The following GRIK5 variants were observed in gnomAD, a reference collection of about 807,000 sequenced individuals.
GRIK5 encodes glutamate receptor ionotropic, kainate 5.
GRIK5 carries 43 observed loss-of-function variants against 97.4 expected under a neutral mutation model. That is an observed-to-expected ratio of 0.44 (90% CI 0.35 to 0.57). GRIK5 has a LOEUF of 0.57. Ranked by LOEUF, GRIK5 falls within the 20% of genes least tolerant of loss-of-function variation. The pLI is 0.01. For missense variants in GRIK5, 1,015 were observed against 1,382.0 expected (o/e 0.73, Z 4.21); for synonymous variants, 580 against 583.5 (o/e 0.99, Z 0.09).
At chr19:42,066,107 G>A (rs989567531) in intron 1 of GRIK5, among the ~76,000 whole-genome samples, 1 of 152,152 alleles carries the variant, frequency 6.6e-6, no homozygotes, top group African/African-American at 2.4e-5. Flanking sequence ...ACAGGAGGGA[G>A]GCGTGCGAGG....
chr19:42,063,514 T>C (rs892733558), intron 3 of GRIK5: 6 of 366,816 alleles, frequency 1.6e-5, no homozygotes, highest in South Asian at 8.2e-5. Flanking sequence ...TCCATTCTTC[T>C]AGCCATGGCA....
intron 12 of GRIK5, among the ~76,000 whole-genome samples, chr19:42,029,095 G>A (rs1487131185): frequency 6.6e-6 from 1 of 152,018 alleles, no homozygotes; most frequent in African/African-American, 2.4e-5. Flanking sequence ...TTGAGACAGA[G>A]TCTTGCTCTG....
rs190624683 is a variant in GRIK5 at position 42,042,535 on chromosome 19, C to T, written c.1473+17G>A. On this transcript the variant is annotated intron_variant, in intron 12 of 19. Coordinates refer to ENST00000593562, the MANE Select transcript of GRIK5 (RefSeq NM_002088.5). The surrounding 1 kb of genome is among the most constrained non-coding windows in gnomAD (Gnocchi z 6.9). ...CGCCGGGTCCATGCATCTTTCCCGG[C>T]CCCAGTCCAGCCATACCCGGTTGAT... 6.9e-6 allele frequency: 11 copies of T among 1,595,722 alleles called. No individual in the cohort carries two copies. In the East Asian group the frequency reaches 1.1e-4, roughly 16 times the overall value.
At chr19:42,041,917 A>G (rs951225667) in intron 12 of GRIK5, among the ~76,000 whole-genome samples, 1 of 152,088 alleles carries the variant, frequency 6.6e-6, no homozygotes. Context: ...CCCCAATCAC[A>G]GCCCAGACAG....
chr19:42,006,611 C>G lies in GRIK5; in HGVS notation c.2037+34G>C. ...GAGCTGCTTTGCATGGCAGGGATCCCAACACCACGCCTGAGAGGTTCTGGT... is the reference window on the plus strand; with the variant it reads ...GAGCTGCTTTGCATGGCAGGGATCCGAACACCACGCCTGAGAGGTTCTGGT... On this transcript the variant is annotated intron_variant, in intron 16 of 19. Transcript: ENST00000593562. The surrounding 1 kb of genome is among the most constrained non-coding windows in gnomAD (Gnocchi z 5.3). The G allele has an allele frequency of 6.2e-7, 1 of 1,603,170 alleles. No homozygotes were observed. Among genetic ancestry groups the G allele is most frequent in the South Asian group, 1.1e-5 (1 of 90,738 alleles).
chr19:42,022,606 G>A lies in GRIK5; in HGVS notation c.1474-252C>T. On this transcript the variant is annotated intron_variant, in intron 12 of 19. Transcript: ENST00000593562. This position sits in a 1 kb window ranked among gnomAD's most constrained non-coding sequence, Gnocchi z 4.2. ...TGACTCCGTCCCCTAGGCCTCAACT[G>A]TGTCCCAGCATCAAGGGCTGGGGAT... The A allele has an allele frequency of 1.0e-6, 1 of 984,948 alleles. No homozygotes were observed. The highest frequency in any genetic ancestry group is 4.7e-5 in the South Asian group (1 of 21,276). 61.0% of individuals were successfully genotyped at this position (984,948 alleles called of 1,614,324 possible). A position where few individuals can be genotyped will look rare whatever the true frequency, so the allele number is the denominator to read the frequency against.
chr19:42,021,402 G>T lies in GRIK5; in HGVS notation c.1770C>A (p.Tyr590Ter). The change falls in exon 15 of 20, where the codon TAC becomes TAA. Residue 590 changes from tyrosine (Y) to a stop codon, truncating the protein, a stop_gained. Transcript: ENST00000593562. LOFTEE classifies it high-confidence loss of function. The surrounding 1 kb of genome is among the most constrained non-coding windows in gnomAD (Gnocchi z 4.2). ...GAAACCACAGGCTGTTGCCCAGCGT[G>T]TACTGGTTCTCCAGGATGTGGGGGC... ...RARPHILENQ[Y>*]TLGNSLWFPV... The T allele has an allele frequency of 6.2e-7, 1 of 1,612,766 alleles. No individual in the cohort carries two copies. Among genetic ancestry groups the T allele is most frequent in the Non-Finnish European group, 8.5e-7 (1 of 1,179,350 alleles).
chr19:42,045,810 G>A (rs964588685), intron 11 of GRIK5, among the ~76,000 whole-genome samples: 2 of 152,180 alleles, frequency 1.3e-5, no homozygotes, highest in Non-Finnish European at 1.5e-5. Context: ...GTATTATTAC[G>A]TCTCTTTTAG....
At chr19:42,036,493 T>C (rs916093909) in intron 12 of GRIK5, among the ~76,000 whole-genome samples, 12 of 152,110 alleles carry the variant, frequency 7.9e-5, no homozygotes, top group African/African-American at 2.9e-4. Flanking sequence ...TGGCTGGGAC[T>C]ACAGGCACAT....
intron 6 of GRIK5, among the ~76,000 whole-genome samples, chr19:42,057,191 G>A (rs1022864408): frequency 3.9e-5 from 6 of 152,088 alleles, no homozygotes; most frequent in East Asian, 1.9e-4. Flanking sequence ...CTGGTGTCCC[G>A]CCATGCTGAC....
chr19:42,016,797 C>G (rs1394070511), intron 15 of GRIK5, among the ~76,000 whole-genome samples: 1 of 152,082 alleles, frequency 6.6e-6, no homozygotes, highest in African/African-American at 2.4e-5. Context: ...GGGAGGGCAC[C>G]CTGGGAGGTG....
At position 42,053,619 on chromosome 19, in the gene GRIK5, C is replaced by T. The variant is rs368337489; in HGVS notation, c.1252G>A (p.Val418Met). 14 of 1,608,640 alleles carry T rather than the reference C, an allele frequency of 8.7e-6. No homozygotes were observed. The highest frequency in any genetic ancestry group is 1.1e-5 in the Non-Finnish European group (13 of 1,175,146). ...CCACTCACCAGGATGGTTGTGACCA[C>T]CAGGGTCTTGTTGGCCAGTGTCTGC... is the stretch of plus-strand genomic sequence containing the variant. Reference protein sequence around the residue: ...LSQTLANKTLVVTTILENPYV... With the variant: ...LSQTLANKTLMVTTILENPYV... Residue 418 changes from valine (V) to methionine (M), a missense_variant, in exon 11 of 20, where the codon GTG (valine) becomes ATG (methionine). Physicochemically the swap from Val to Met is conservative, Grantham distance 21. This residue lies in a region of GRIK5 where 477 missense variants were observed against 701.1 expected (regional missense o/e 0.68). Coordinates refer to ENST00000593562, the MANE Select transcript of GRIK5 (RefSeq NM_002088.5).
intron 9 of GRIK5, 128 bp downstream of exon 9, chr19:42,054,192 G>A: frequency 3.0e-6 from 3 of 988,912 alleles, no homozygotes; most frequent in African/African-American, 1.6e-5. Context: ...AGCCAGGAGT[G>A]GACAGGGGAG....
In GRIK5 at chr19:42,003,393, G is replaced by C. The variant is rs1444868105; in HGVS notation, c.2453C>G (p.Ala818Gly). The C allele has an allele frequency of 2.5e-6, 4 of 1,613,194 alleles. No homozygotes were observed. The African/African-American group carries it at 5.3e-5, about 22-fold the overall frequency. Residue 818 changes from alanine (A) to glycine (G), a missense_variant, in exon 19 of 20, where the codon GCT becomes GGT. By Grantham distance (60) the Ala-to-Gly change is moderately conservative. Transcript: ENST00000593562. The surrounding 1 kb of genome is among the most constrained non-coding windows in gnomAD (Gnocchi z 4.2). ...GAATTCCATGACCGCCACGAAGACA[G>C]CAATGATGAGGCCACAGATGAGCAC... ...FIVLICGLII[A>G]VFVAVMEFIW...
chr19:42,033,829 G>A (rs752511495), intron 12 of GRIK5, among the ~76,000 whole-genome samples: 3 of 152,060 alleles, frequency 2.0e-5, no homozygotes, highest in Non-Finnish European at 4.4e-5. Flanking sequence ...GCAAAACGCC[G>A]TCTCTATTAA....
chr19:42,058,566 GCCTGTAATTC>G (rs1400005638), intron 6 of GRIK5, among the ~76,000 whole-genome samples: 1 of 149,138 alleles, frequency 6.7e-6, no homozygotes, highest in African/African-American at 2.5e-5. Flanking sequence ...GGTGGCTCAC[GCCTGTAATTC>G]CAGCACTTTG....
Position 42,013,178 on chromosome 19 carries a change from A to C in GRIK5, c.1872-6368T>G, listed in dbSNP as rs191287519. On this transcript the variant is annotated intron_variant, in intron 15 of 19. Coordinates refer to ENST00000593562, the MANE Select transcript of GRIK5 (RefSeq NM_002088.5). ...AGACCAGCCTGGGCAACAAAGTAAG[A>C]ACTCTCTACAAAAAAAAAAAAATGA... 9.0e-3 allele frequency among the ~76,000 whole-genome samples: 1,340 copies of C among 149,096 alleles called. 11 individuals are homozygous for C. The highest frequency in any genetic ancestry group is 0.014 in the Middle Eastern group (4 of 294).
At chr19:42,016,936 G>GT (rs1208099678) in intron 15 of GRIK5, among the ~76,000 whole-genome samples, 3,305 of 146,226 alleles carry the variant, frequency 0.023, 58 homozygotes, top group Non-Finnish European at 0.033. Context: ...AAAAACCCAA[G>GT]TTTTTTTTTT....
chr19:42,053,318 A>C (rs2076140078), intron 11 of GRIK5, among the ~76,000 whole-genome samples: 1 of 152,348 alleles, frequency 6.6e-6, no homozygotes, highest in East Asian at 1.9e-4. Context: ...AAGGGTGGCA[A>C]AACAACTGTT....
Sources: allele counts gnomAD v4.1 joint callset (sites outside exome capture counted in the v4.1 genomes callset), GRCh38; gene constraint gnomAD v4.1.1; regional missense constraint gnomAD v4.1.1; non-coding constraint Gnocchi (gnomAD v3.1); transcripts MANE v1.5; gene names NCBI Gene and HGNC (gene_info 2026-07-23, HGNC 2026-07-21).